Variants in CLIC5 observed in about 807,000 individuals in gnomAD.
CLIC5 encodes the protein CLIC family member 5.
In CLIC5, 20 loss-of-function variants were observed where a neutral mutation model predicts 24.7. That is an observed-to-expected ratio of 0.81 (90% CI 0.57 to 1.18). The LOEUF (loss-of-function observed/expected upper bound fraction) is 1.18, where lower values mean the gene tolerates loss of function less well. Ranked by LOEUF, CLIC5 falls within the 50% of genes most tolerant of loss-of-function variation. CLIC5 has a pLI of 0.00. For synonymous variants in CLIC5, 159 were observed against 135.6 expected, an observed-to-expected ratio of 1.17 and a Z score of -1.20; for missense variants, 341 against 326.1, an observed-to-expected ratio of 1.05 and a Z score of -0.35.
chr6:45,974,495 G>GTATATATATATATA (rs1456137513), intron 1 of CLIC5, among the ~76,000 whole-genome samples: 9 of 76,558 alleles, frequency 1.2e-4, no homozygotes, highest in African/African-American at 3.4e-4. Flanking sequence ...GTGTGTGTGT[G>GTATATATATATATA]TGTATATATA....
chr6:45,967,283 G>A (rs561801418), intron 1 of CLIC5, among the ~76,000 whole-genome samples: 52 of 152,356 alleles, frequency 3.4e-4, no homozygotes, highest in African/African-American at 1.3e-3. Flanking sequence ...TGGGGATGTA[G>A]TGATGTGGTG....
At chr6:45,975,855 T>C (rs1765367651) in intron 1 of CLIC5, among the ~76,000 whole-genome samples, 1 of 151,270 alleles carries the variant, frequency 6.6e-6, no homozygotes, top group Non-Finnish European at 1.5e-5. Flanking sequence ...CTTAAAAGTC[T>C]TTGGCTTAAT....
At chr6:45,916,686 AG>A (rs1326185227) in intron 4 of CLIC5, among the ~76,000 whole-genome samples, 3 of 152,250 alleles carry the variant, frequency 2.0e-5, no homozygotes, top group Non-Finnish European at 4.4e-5. Flanking sequence ...TGAAAAGCCT[AG>A]AGCAGTGATT....
chr6:45,927,104 G>A (rs921992123), intron 4 of CLIC5, among the ~76,000 whole-genome samples: 13 of 152,176 alleles, frequency 8.5e-5, no homozygotes, highest in African/African-American at 2.2e-4. Context: ...ATGAGGCCCC[G>A]TCATCATCTC....
chr6:46,067,433 C>G (rs577491171), intron 1 of CLIC5, among the ~76,000 whole-genome samples: 2 of 152,296 alleles, frequency 1.3e-5, no homozygotes, highest in African/African-American at 4.8e-5. Context: ...TGACACTGAA[C>G]CTTTTCTCCT....
At chr6:46,110,757 C>T in the CLIC5 span, among the ~76,000 whole-genome samples, 1 of 152,184 alleles carries the variant, frequency 6.6e-6, no homozygotes, top group African/African-American at 2.4e-5. Flanking sequence ...AGTCTGTTGG[C>T]AAACTCTTGG....
At chr6:46,112,562 C>T in the CLIC5 span, among the ~76,000 whole-genome samples, 2 of 152,130 alleles carry the variant, frequency 1.3e-5, no homozygotes, top group Non-Finnish European at 2.9e-5. Context: ...AATTTGTATG[C>T]CTTTTCTCCA....
intron 6 of CLIC5, among the ~76,000 whole-genome samples, chr6:45,891,467 C>G (rs947260244): frequency 6.6e-6 from 1 of 151,994 alleles, no homozygotes; most frequent in African/African-American, 2.4e-5. Context: ...GAAACCCTGT[C>G]TCTACTAAAA....
chr6:45,936,798 G>T (rs1244410874), intron 4 of CLIC5, among the ~76,000 whole-genome samples: 1 of 152,068 alleles, frequency 6.6e-6, no homozygotes, highest in Non-Finnish European at 1.5e-5. Flanking sequence ...CAGGCGTGTG[G>T]GTGAGAGATC....
chr6:45,919,493 C>T (rs1256334910), intron 4 of CLIC5, among the ~76,000 whole-genome samples: 1 of 152,110 alleles, frequency 6.6e-6, no homozygotes, highest in Non-Finnish European at 1.5e-5. Flanking sequence ...ACCCTCCCCC[C>T]CACCACCTCT....
intron 4 of CLIC5, among the ~76,000 whole-genome samples, chr6:45,929,602 C>T (rs1460854739): frequency 2.0e-5 from 3 of 152,236 alleles, no homozygotes; most frequent in Non-Finnish European, 4.4e-5. Flanking sequence ...ACAGCAATGG[C>T]TGCTTTATGA....
At chr6:45,956,892 C>T (rs571357398) in intron 1 of CLIC5, among the ~76,000 whole-genome samples, 61 of 152,252 alleles carry the variant, frequency 4.0e-4, no homozygotes, top group African/African-American at 1.4e-3. Context: ...CACCTTCCCA[C>T]GGAGGTAAAG....
At chr6:45,922,103 A>G (rs1032892003) in intron 4 of CLIC5, among the ~76,000 whole-genome samples, 1 of 152,236 alleles carries the variant, frequency 6.6e-6, no homozygotes, top group Admixed American at 6.5e-5. Flanking sequence ...CAGCTGGGCT[A>G]CAGAGAGTGT....
At chr6:46,028,294 C>T (rs182194499) in intron 1 of CLIC5, among the ~76,000 whole-genome samples, 60 of 152,322 alleles carry the variant, frequency 3.9e-4, no homozygotes, top group Admixed American at 3.7e-3. Context: ...CATAGAGATG[C>T]TGCATGCCTG....
At chr6:45,935,828 A>C (rs1284992021) in intron 4 of CLIC5, among the ~76,000 whole-genome samples, 1 of 152,202 alleles carries the variant, frequency 6.6e-6, no homozygotes, top group African/African-American at 2.4e-5. Flanking sequence ...TGAGAAAAGC[A>C]GACAGAAAAG....
intron 1 of CLIC5, among the ~76,000 whole-genome samples, chr6:46,013,598 C>T (rs1766881222): frequency 6.6e-6 from 1 of 152,150 alleles, no homozygotes; most frequent in Non-Finnish European, 1.5e-5. Context: ...AATGACAACA[C>T]AGTCATTTTA....
the CLIC5 span, among the ~76,000 whole-genome samples, chr6:46,088,612 T>C: frequency 6.6e-6 from 1 of 152,218 alleles, no homozygotes; most frequent in South Asian, 2.1e-4. Flanking sequence ...TAAGTATCTA[T>C]ATTTTTAAAA....
At chr6:46,072,799 G>T (rs1212612041) in intron 1 of CLIC5, among the ~76,000 whole-genome samples, 1 of 152,162 alleles carries the variant, frequency 6.6e-6, no homozygotes, top group East Asian at 1.9e-4. Flanking sequence ...CAAGGTGTGA[G>T]TACCCAGGCA....
chr6:46,029,765 G>A (rs538113651), intron 1 of CLIC5, among the ~76,000 whole-genome samples: 31 of 152,290 alleles, frequency 2.0e-4, no homozygotes, highest in African/African-American at 7.0e-4. Context: ...GCAAACTACT[G>A]TTGGGCTGCA....
Sources: allele counts gnomAD v4.1 joint callset (sites outside exome capture counted in the v4.1 genomes callset), GRCh38; gene constraint gnomAD v4.1.1; transcripts MANE v1.5; gene names NCBI Gene and HGNC (gene_info 2026-07-23, HGNC 2026-07-21).